The following ENTPD6 variants were observed in gnomAD, a reference collection of about 807,000 sequenced individuals.
ENTPD6 encodes CD39 antigen-like 2.
In ENTPD6, 46 loss-of-function variants were observed where a neutral mutation model predicts 61.5. The observed-to-expected ratio is 0.75, with a 90% confidence interval of 0.59 to 0.96. ENTPD6 has a LOEUF of 0.96. Among genes scored for constraint, ENTPD6 ranks in the 40% least tolerant of loss-of-function variants. ENTPD6 has a pLI of 0.00. For missense variants in ENTPD6, 612 were observed against 629.0 expected, an observed-to-expected ratio of 0.97 and a Z score of 0.29; for synonymous variants, 252 against 255.5, an observed-to-expected ratio of 0.99 and a Z score of 0.13.
rs146326992 is a variant in ENTPD6, at chr20:25,221,527, C to T, written c.1045+194C>T. ...GTCTGTGCTGAGAGCCAGCTCCTTC[C>T]CTCTGCCTCTGTTCAACATTCCCCT... On this transcript the variant is annotated intron_variant, in intron 11 of 14. Coordinates refer to ENST00000376652, the MANE Select transcript of ENTPD6 (RefSeq NM_001247.5). 3.6e-3 allele frequency: 2,361 copies of T among 651,868 alleles called. 41 individuals are homozygous for T. In the African/African-American group the frequency reaches 0.037, roughly 10 times the overall value. 40.4% of individuals were successfully genotyped at this position (651,868 alleles called of 1,614,324 possible).
chr20:25,203,426 C>G lies in ENTPD6; in HGVS notation c.-15-3096C>G, dbSNP rs538615393. ...TGTGCATGGTGCACGTGAGGGAGGCCCCTAAGTCCCTGAGGCTCTGCTCAC... is the reference window on the plus strand; with the variant it reads ...TGTGCATGGTGCACGTGAGGGAGGCGCCTAAGTCCCTGAGGCTCTGCTCAC... On this transcript the variant is annotated intron_variant, in intron 1 of 14. Transcript: ENST00000376652. Among the ~76,000 whole-genome samples, 12 of 152,298 alleles carry G rather than the reference C, an allele frequency of 7.9e-5. No homozygotes were observed. In the East Asian group the frequency reaches 2.3e-3, roughly 29 times the overall value.
chr20:25,221,671 G>A, intron 11 of ENTPD6: 1 of 388,596 alleles, frequency 2.6e-6, no homozygotes, highest in South Asian at 2.1e-5. Flanking sequence ...GGCACTCTGT[G>A]CTGTGCTGGG....
At chr20:25,207,463 C>A in intron 3 of ENTPD6, 66 bp downstream of exon 3, 1 of 1,413,204 alleles carries the variant, frequency 7.1e-7, no homozygotes. Context: ...GGCCGGGTCC[C>A]CTGCCACAGA....
rs745570515 is a variant in ENTPD6, at chr20:25,207,168, G to T, written c.147G>T (p.Leu49=). 2 of 1,613,994 alleles carry T rather than the reference G, an allele frequency of 1.2e-6. No homozygotes were observed. The highest frequency in any genetic ancestry group is 1.7e-6 in the Non-Finnish European group (2 of 1,180,002). ...CGAAGGTGGCATACCCCCTGGGGCT[G>T]TGTGTGGGCGTGTTCATCTATGTTG... ...RVAKVAYPLG[L]CVGVFIYVAY... is the part of the protein sequence containing the mutation. Residue 49 remains leucine (L), a synonymous_variant, in exon 3 of 15, where the codon CTG becomes CTT. Coordinates refer to ENST00000376652, the MANE Select transcript of ENTPD6 (RefSeq NM_001247.5).
intron 10 of ENTPD6, among the ~76,000 whole-genome samples, chr20:25,220,235 C>A (rs554143416): frequency 1.3e-5 from 2 of 152,240 alleles, no homozygotes; most frequent in Admixed American, 6.5e-5. Flanking sequence ...TGGAATCTCA[C>A]AGCAGACCAC....
intron 7 of ENTPD6, among the ~76,000 whole-genome samples, chr20:25,216,294 G>A (rs1016017517): frequency 6.6e-6 from 1 of 152,198 alleles, no homozygotes; most frequent in Non-Finnish European, 1.5e-5. Context: ...GTTAGGAGAT[G>A]GGTTGGGAGC....
At chr20:25,223,363 G>A (rs2092700586) in intron 12 of ENTPD6, among the ~76,000 whole-genome samples, 1 of 152,146 alleles carries the variant, frequency 6.6e-6, no homozygotes, top group Non-Finnish European at 1.5e-5. Context: ...ACTGAATGTG[G>A]AGTCTCTCTG....
chr20:25,196,051 G>A, intron 1 of ENTPD6, 184 bp downstream of exon 1: 3 of 887,046 alleles, frequency 3.4e-6, no homozygotes, highest in Non-Finnish European at 4.4e-6. Context: ...GGGCTCCGCT[G>A]ACCGGTGGGG....
At chr20:25,203,882 T>C (rs1036053783) in intron 1 of ENTPD6, among the ~76,000 whole-genome samples, 8 of 152,230 alleles carry the variant, frequency 5.3e-5, no homozygotes, top group Admixed American at 4.6e-4. Flanking sequence ...ACTAACTCTG[T>C]ATTGGGAATG....
At position 25,222,940 on chromosome 20, in the gene ENTPD6, C is replaced by G. The variant is rs1373036640; in HGVS notation, c.1148C>G (p.Ser383Cys). Residue 383 changes from serine to cysteine, a missense_variant, in exon 12 of 15, where the codon TCC becomes TGC. Ser to Cys is a moderately radical substitution (Grantham distance 112). Transcript: ENST00000376652. ...EVKHVDFYAF[S>C]YYYDLAAGVG... Reference sequence around the variant, plus strand: ...AAGCATGTGGACTTCTATGCTTTCTCCTACTATTACGACCTTGCAGCTGGT... The same window carrying G: ...AAGCATGTGGACTTCTATGCTTTCTGCTACTATTACGACCTTGCAGCTGGT... The G allele has an allele frequency of 6.2e-7, 1 of 1,613,944 alleles. No homozygotes were observed. The highest frequency in any genetic ancestry group is 1.3e-5 in the African/African-American group (1 of 74,896).
chr20:25,200,841 T>C (rs1401773467), intron 1 of ENTPD6, among the ~76,000 whole-genome samples: 1 of 151,658 alleles, frequency 6.6e-6, no homozygotes, highest in Non-Finnish European at 1.5e-5. Flanking sequence ...CCTTTTTTCC[T>C]CCTCCTTTTT....
chr20:25,204,154 G>A (rs2091271612), intron 1 of ENTPD6, among the ~76,000 whole-genome samples: 1 of 152,188 alleles, frequency 6.6e-6, no homozygotes, highest in African/African-American at 2.4e-5. Context: ...TGGAATTGGG[G>A]TTTGGTGGTG....
rs2092684624 is a variant in ENTPD6 at position 25,222,855 on chromosome 20, C to A, written c.1063C>A (p.Leu355Met). The A allele has an allele frequency of 6.2e-7, 1 of 1,613,884 alleles. No individual in the cohort carries two copies. The highest frequency in any genetic ancestry group is 8.5e-7 in the Non-Finnish European group (1 of 1,180,012). Reference sequence around the variant, plus strand: ...GTCCCCAGCGGCAAGCCTGCACGAGCTGTGTGCTGCCAGAGTGTCAGAGGT... The same window carrying A: ...GTCCCCAGCGGCAAGCCTGCACGAGATGTGTGCTGCCAGAGTGTCAGAGGT... ...GQKAAASLHE[L>M]CAARVSEVLQ... The change falls in exon 12 of 15, where the codon CTG (leucine) becomes ATG (methionine). Residue 355 changes from leucine (L) to methionine (M), a missense_variant. Physicochemically the swap from Leu to Met is conservative, Grantham distance 15 (BLOSUM62 2). Transcript: ENST00000376652.
In ENTPD6 at chr20:25,226,600, G is replaced by A; in HGVS notation, c.*1003G>A. 6.5e-6 allele frequency: 1 copy of A among 152,706 alleles called. No homozygotes were observed. Among genetic ancestry groups the A allele is most frequent in the Non-Finnish European group, 1.5e-5 (1 of 68,186 alleles). The allele number at this position is 152,706 out of a possible 1,614,324, so 9.5% of individuals were successfully genotyped here. A position where few individuals can be genotyped will look rare whatever the true frequency, so the allele number is the denominator to read the frequency against. On this transcript the variant is annotated 3_prime_UTR_variant, in exon 15 of 15. Coordinates refer to ENST00000376652, the MANE Select transcript of ENTPD6 (RefSeq NM_001247.5). ...GTGTGAGCCCCGGGCCGTGCATCCT[G>A]CTCAGTGTGGCGTCAGTGTCGGGGC...
chr20:25,214,783 A>C, intron 5 of ENTPD6, 84 bp from the exon 6 acceptor site: 1 of 880,940 alleles, frequency 1.1e-6, no homozygotes, highest in Non-Finnish European at 1.9e-6. Flanking sequence ...ACACTGCTTC[A>C]CTTGACTAGC....
chr20:25,200,658 C>CA (rs2090959016), intron 1 of ENTPD6, among the ~76,000 whole-genome samples: 2 of 152,276 alleles, frequency 1.3e-5, no homozygotes, highest in Admixed American at 1.3e-4. Flanking sequence ...TTCCAGATTA[C>CA]AGCTATTTGA....
chr20:25,207,486 C>T, intron 3 of ENTPD6, 89 bp downstream of exon 3: 1 of 1,244,834 alleles, frequency 8.0e-7, no homozygotes, highest in Non-Finnish European at 1.1e-6. Flanking sequence ...CACCTGGGAG[C>T]TTGTCTAAAT....
intron 1 of ENTPD6, 98 bp from the exon 2 acceptor site, chr20:25,206,424 C>T (rs1401045001): frequency 4.3e-6 from 4 of 929,154 alleles, no homozygotes; most frequent in African/African-American, 1.6e-5. Flanking sequence ...TTGGGTATAT[C>T]GAACCAAAAA....
At chr20:25,208,962 G>A (rs2091733196) in intron 3 of ENTPD6, among the ~76,000 whole-genome samples, 3 of 151,908 alleles carry the variant, frequency 2.0e-5, no homozygotes, top group Non-Finnish European at 4.4e-5. Context: ...TGCTGCCCAG[G>A]CTGGAGTACA....
Sources: gnomAD v4.1 joint callset for allele counts (sites outside exome capture counted in the v4.1 genomes callset) on GRCh38, gnomAD v4.1.1 for gene constraint, MANE v1.5 for transcripts, NCBI Gene and HGNC (gene_info 2026-07-23, HGNC 2026-07-21) for gene names.